LAMC3: variants seen among roughly 807,000 people sequenced by gnomAD.
LAMC3 encodes laminin subunit gamma-3.
In LAMC3, 128 loss-of-function variants were observed where a neutral mutation model predicts 173.8. That is an observed-to-expected ratio of 0.74 (90% CI 0.64 to 0.85). The LOEUF (loss-of-function observed/expected upper bound fraction) is 0.85. LAMC3 is among the 40% of genes least tolerant of loss of function. The pLI is 0.00. For missense variants in LAMC3, 2,022 were observed against 2,156.0 expected, an observed-to-expected ratio of 0.94 and a Z score of 1.23; for synonymous variants, 897 against 909.1, an observed-to-expected ratio of 0.99 and a Z score of 0.24.
chr9:131,016,696 C>T (rs1229166461), intron 1 of LAMC3, among the ~76,000 whole-genome samples: 5 of 152,072 alleles, frequency 3.3e-5, no homozygotes, highest in Non-Finnish European at 7.4e-5. Context: ...ACACAGGGAG[C>T]GCTTAAGTCA....
intron 11 of LAMC3, among the ~76,000 whole-genome samples, chr9:131,054,785 G>T (rs1834368623): frequency 7.3e-6 from 1 of 136,418 alleles, no homozygotes; most frequent in African/African-American, 2.9e-5. Flanking sequence ...GAAGGGAGGG[G>T]GAGAAAGAGA....
Position 131,039,147 on chromosome 9 carries a change from G to A in LAMC3, c.1182G>A (p.Gln394=), listed in dbSNP as rs376614929. Reference sequence around the variant, plus strand: ...CTCTCCCAGGCTCCCTACACCTCCAGTGCGATGACACAGGCACCTGCGCCT... The same window carrying A: ...CTCTCCCAGGCTCCCTACACCTCCAATGCGATGACACAGGCACCTGCGCCT... The part of the protein sequence containing the change: ...DCQSAGSLHL[Q]CDDTGTCACK... Residue 394 remains glutamine (Q), a synonymous_variant, in exon 6 of 28, where the codon CAG becomes CAA. Coordinates refer to ENST00000361069, the MANE Select transcript of LAMC3 (RefSeq NM_006059.4). 2.8e-5 allele frequency: 45 copies of A among 1,611,254 alleles called. No homozygotes were observed. The highest frequency in any genetic ancestry group is 3.7e-5 in the Non-Finnish European group (44 of 1,180,042).
chr9:131,030,763 C>T (rs962390452), intron 2 of LAMC3, among the ~76,000 whole-genome samples: 1 of 152,244 alleles, frequency 6.6e-6, no homozygotes, highest in Non-Finnish European at 1.5e-5. Flanking sequence ...ATCGCCACAG[C>T]GCGTTCAGCT....
intron 13 of LAMC3, among the ~76,000 whole-genome samples, chr9:131,066,320 G>A (rs548649835): frequency 4.6e-5 from 7 of 150,752 alleles, no homozygotes; most frequent in Non-Finnish European, 7.4e-5. Context: ...GTGAAACCCC[G>A]TCTCTACTAA....
At chr9:131,014,200 T>C (rs1259575667) in intron 1 of LAMC3, among the ~76,000 whole-genome samples, 1 of 152,232 alleles carries the variant, frequency 6.6e-6, no homozygotes, top group African/African-American at 2.4e-5. Flanking sequence ...CTCTGCATCA[T>C]CCCTGTCCAC....
intron 8 of LAMC3, among the ~76,000 whole-genome samples, chr9:131,048,338 T>A (rs1834215346): frequency 6.6e-6 from 1 of 152,184 alleles, no homozygotes; most frequent in Non-Finnish European, 1.5e-5. Context: ...ATTACAGGCA[T>A]GAGCCACTGT....
At chr9:131,032,564 C>CTT (rs760674101) in intron 3 of LAMC3, among the ~76,000 whole-genome samples, 2 of 134,230 alleles carry the variant, frequency 1.5e-5, no homozygotes, top group Non-Finnish European at 3.0e-5. Flanking sequence ...CTCGCTCTCT[C>CTT]TCTTGCTCTC....
chr9:131,063,870 G>A (rs1302429590), intron 13 of LAMC3, among the ~76,000 whole-genome samples: 5 of 152,096 alleles, frequency 3.3e-5, no homozygotes, highest in South Asian at 2.1e-4. Context: ...TTTCCGTTCC[G>A]TTCCGCCTTT....
chr9:131,057,566 GGTCACACAGGT>G (rs928293418), intron 12 of LAMC3, among the ~76,000 whole-genome samples: 1 of 152,176 alleles, frequency 6.6e-6, no homozygotes, highest in African/African-American at 2.4e-5. Flanking sequence ...TTCTCAAGAA[GGTCACACAGGT>G]GACAGCAGCT....
At chr9:131,058,239 C>T (rs1194157204) in intron 12 of LAMC3, among the ~76,000 whole-genome samples, 1 of 152,208 alleles carries the variant, frequency 6.6e-6, no homozygotes, top group Non-Finnish European at 1.5e-5. Context: ...CCTCAGCCTC[C>T]TGTGTAGCTG....
chr9:131,045,822 G>T (rs1834144528), intron 8 of LAMC3, among the ~76,000 whole-genome samples, 162 bp downstream of exon 8: 1 of 152,204 alleles, frequency 6.6e-6, no homozygotes, highest in Non-Finnish European at 1.5e-5. Flanking sequence ...TGGCTCCCCA[G>T]TGCCCACCTG....
rs757872953 is a variant in LAMC3 at position 131,009,474 on chromosome 9, A to G, written c.260A>G (p.Asn87Ser). 5.8e-6 allele frequency: 9 copies of G among 1,548,852 alleles called. No homozygotes were observed. Among genetic ancestry groups the G allele is most frequent in the South Asian group, 1.2e-5 (1 of 84,004 alleles). The change falls in exon 1 of 28, where the codon AAC (asparagine) becomes AGC (serine). Residue 87 changes from asparagine to serine, a missense_variant. By Grantham distance (46) the Asn-to-Ser change is conservative. Coordinates refer to ENST00000361069, the MANE Select transcript of LAMC3 (RefSeq NM_006059.4). The surrounding 1 kb of genome is among the most constrained non-coding windows in gnomAD (Gnocchi z 4.3). ...GCCGCCGACCCCCAGCGCCACCACA[A>G]CGCCTCCTACCTCACCGACTTCCAC... ...CDAADPQRHHNASYLTDFHSQ... is the reference protein window; with the variant it reads ...CDAADPQRHHSASYLTDFHSQ...
Position 131,079,288 on chromosome 9 carries a change from C to T in LAMC3, c.3917C>T (p.Pro1306Leu). ...CAGGCGACGCTACGGCAAACAGAAC[C>T]CCTCACAAAGGTCAGCTCTTGTGCT... ...AAQATLRQTEPLTKLHQEARA... is the reference protein window; with the variant it reads ...AAQATLRQTELLTKLHQEARA... Residue 1306 changes from proline (P) to leucine (L), a missense_variant, in exon 23 of 28, where the codon CCC becomes CTC. By Grantham distance (98) the Pro-to-Leu change is moderately conservative. Transcript: ENST00000361069. 1.2e-6 allele frequency: 2 copies of T among 1,614,166 alleles called. No homozygotes were observed. Among genetic ancestry groups the T allele is most frequent in the Non-Finnish European group, 1.7e-6 (2 of 1,180,020 alleles).
chr9:131,054,790 AAG>A lies in LAMC3; in HGVS notation c.1939+1838_1939+1839del, dbSNP rs563768584. ...AGAGAGAGGGGAAGGGAGGGGGAGA[AAG>A]AGAGAGAGAGAGTGAGAGAGAGAGA... On this transcript the variant is annotated intron_variant, in intron 11 of 27. Coordinates refer to ENST00000361069, the MANE Select transcript of LAMC3 (RefSeq NM_006059.4). 6.0e-3 allele frequency among the ~76,000 whole-genome samples: 825 copies of A among 136,868 alleles called. 5 individuals carry two copies. Among genetic ancestry groups the A allele is most frequent in the Middle Eastern group, 0.014 (4 of 284 alleles). The allele number at this position is 136,868 out of a possible 152,430, so 89.8% of individuals were successfully genotyped here.
At chr9:131,022,587 G>T (rs1475078527) in intron 1 of LAMC3, among the ~76,000 whole-genome samples, 5 of 151,824 alleles carry the variant, frequency 3.3e-5, no homozygotes, top group Non-Finnish European at 5.9e-5. Context: ...TTGAGACAGG[G>T]TCTCACTCTG....
chr9:131,076,715 T>C (rs1002492814), intron 21 of LAMC3, among the ~76,000 whole-genome samples: 1 of 152,076 alleles, frequency 6.6e-6, no homozygotes, highest in African/African-American at 2.4e-5. Context: ...ACCACAGGCC[T>C]GTCAGGGCAA....
chr9:131,040,420 C>A (rs1238129479), intron 6 of LAMC3, among the ~76,000 whole-genome samples: 2 of 152,138 alleles, frequency 1.3e-5, no homozygotes, highest in Non-Finnish European at 2.9e-5. Flanking sequence ...CTCAAGTAAT[C>A]CACCCTCCTC....
intron 9 of LAMC3, among the ~76,000 whole-genome samples, chr9:131,051,500 A>G (rs1372664873): frequency 6.6e-6 from 1 of 151,110 alleles, no homozygotes; most frequent in East Asian, 2.0e-4. Context: ...AGTAGCTGGG[A>G]TTACAGGCAC....
intron 9 of LAMC3, among the ~76,000 whole-genome samples, chr9:131,050,541 G>A (rs55903704): frequency 6.6e-6 from 1 of 152,210 alleles, no homozygotes; most frequent in South Asian, 2.1e-4. Flanking sequence ...AGGTTGGGGG[G>A]GATCTTCTGA....
Sources: allele counts gnomAD v4.1 joint callset (sites outside exome capture counted in the v4.1 genomes callset), GRCh38; gene constraint gnomAD v4.1.1; non-coding constraint Gnocchi (gnomAD v3.1); transcripts MANE v1.5; gene names NCBI Gene and HGNC (gene_info 2026-07-23, HGNC 2026-07-21).